The following NCOA1 variants were observed in gnomAD, a reference collection of about 807,000 sequenced individuals.
NCOA1 encodes nuclear receptor coactivator 1.
Under a neutral mutation model 150.9 loss-of-function variants are expected in NCOA1, and 35 were observed. That is an observed-to-expected ratio of 0.23 (90% CI 0.18 to 0.31). The LOEUF (loss-of-function observed/expected upper bound fraction) is 0.31, where lower values mean the gene tolerates loss of function less well. NCOA1 is among the 10% of genes least tolerant of loss of function. The probability of loss-of-function intolerance (pLI) is 1.00; values close to 1 mark genes in which losing one functional copy is unlikely to be tolerated. For synonymous variants in NCOA1, 590 were observed against 630.0 expected, an observed-to-expected ratio of 0.94 and a Z score of 0.95; for missense variants, 1,491 against 1,749.3, an observed-to-expected ratio of 0.85 and a Z score of 2.63.
intron 14 of NCOA1, among the ~76,000 whole-genome samples, chr2:24,717,353 A>G (rs1052144202): frequency 6.6e-6 from 1 of 152,224 alleles, no homozygotes. Flanking sequence ...GAAGCGATCA[A>G]GCCATGAAAA....
At chr2:24,590,481 CT>C (rs1220664388) in intron 3 of NCOA1, among the ~76,000 whole-genome samples, 13 of 152,048 alleles carry the variant, frequency 8.5e-5, no homozygotes, top group African/African-American at 3.1e-4. Flanking sequence ...TAGTGTGTCT[CT>C]ATTTTTTCAA....
At chr2:24,765,710 C>G (rs1432389457) in intron 22 of NCOA1, among the ~76,000 whole-genome samples, 1 of 152,260 alleles carries the variant, frequency 6.6e-6, no homozygotes, top group South Asian at 2.1e-4. Context: ...ACTCAGCTCT[C>G]ACACCAGTCT....
At chr2:24,735,538 A>G (rs1663253981) in intron 17 of NCOA1, among the ~76,000 whole-genome samples, 1 of 152,066 alleles carries the variant, frequency 6.6e-6, no homozygotes, top group Non-Finnish European at 1.5e-5. Flanking sequence ...ATATATATAT[A>G]TAAATAGATA....
intron 17 of NCOA1, among the ~76,000 whole-genome samples, chr2:24,731,516 G>A (rs1227471127): frequency 6.6e-6 from 1 of 152,068 alleles, no homozygotes; most frequent in Non-Finnish European, 1.5e-5. Context: ...TATAAAATGT[G>A]CTTCCATTCT....
At chr2:24,576,583 G>A (rs371252354) in intron 2 of NCOA1, among the ~76,000 whole-genome samples, 1 of 152,118 alleles carries the variant, frequency 6.6e-6, no homozygotes, top group East Asian at 1.9e-4. Context: ...CAGTTTTCTG[G>A]TAGTATAAAC....
chr2:24,594,310 G>A (rs1667797141), intron 3 of NCOA1, among the ~76,000 whole-genome samples: 2 of 151,966 alleles, frequency 1.3e-5, no homozygotes, highest in South Asian at 2.1e-4. Context: ...ATTAGGTATC[G>A]TTCAACTGAA....
intron 3 of NCOA1, among the ~76,000 whole-genome samples, chr2:24,618,748 T>TC (rs1291547110): frequency 6.6e-6 from 1 of 152,176 alleles, no homozygotes; most frequent in East Asian, 1.9e-4. Flanking sequence ...TTCATTGGTT[T>TC]TTTTTTTGAG....
intron 2 of NCOA1, among the ~76,000 whole-genome samples, chr2:24,578,873 T>G (rs1327249058): frequency 6.6e-6 from 1 of 152,186 alleles, no homozygotes; most frequent in Non-Finnish European, 1.5e-5. Flanking sequence ...ACAACCTAAT[T>G]GGCCAACAGT....
intron 3 of NCOA1, among the ~76,000 whole-genome samples, chr2:24,593,813 G>T (rs1208812344): frequency 6.6e-6 from 1 of 152,022 alleles, no homozygotes; most frequent in East Asian, 1.9e-4. Context: ...GCCCTATAAG[G>T]CCTCACCCAA....
At chr2:24,515,222 T>C (rs2148118300) in intron 1 of NCOA1, among the ~76,000 whole-genome samples, 1 of 152,262 alleles carries the variant, frequency 6.6e-6, no homozygotes, top group Admixed American at 6.5e-5. Flanking sequence ...TGGCACCCTT[T>C]TATTTATTTT....
At chr2:24,750,613 C>T (rs984506620) in intron 19 of NCOA1, among the ~76,000 whole-genome samples, 3 of 152,122 alleles carry the variant, frequency 2.0e-5, no homozygotes, top group South Asian at 2.1e-4. Context: ...CATGAAATTT[C>T]CCCCCAAAAA....
chr2:24,634,702 GGA>G (rs1435932082), intron 3 of NCOA1, among the ~76,000 whole-genome samples: 25 of 136,370 alleles, frequency 1.8e-4, no homozygotes, highest in African/African-American at 6.6e-4. Flanking sequence ...GATTCCTAGG[GGA>G]GGAACCCCCC....
intron 3 of NCOA1, among the ~76,000 whole-genome samples, chr2:24,620,525 C>G (rs1324692791): frequency 6.6e-6 from 1 of 152,054 alleles, no homozygotes; most frequent in Non-Finnish European, 1.5e-5. Flanking sequence ...GAATTTCTTG[C>G]TTGAACCTGG....
chr2:24,549,540 G>T (rs997839245), intron 1 of NCOA1, among the ~76,000 whole-genome samples: 1 of 151,972 alleles, frequency 6.6e-6, no homozygotes, highest in Non-Finnish European at 1.5e-5. Flanking sequence ...ACATTGTCAG[G>T]CTGCAATTTT....
rs890058191 is a variant in NCOA1 at position 24,751,455 on chromosome 2, C to T, written c.3707-527C>T. ...AAAATTAGCCAGGCCCAGTGGCAGG[C>T]GCCTGTAATCCCAGCTACCTGAGAG... On this transcript the variant is annotated intron_variant, in intron 19 of 22. Transcript: ENST00000348332. 2.4e-4 allele frequency among the ~76,000 whole-genome samples: 36 copies of T among 151,642 alleles called. No individual in the cohort carries two copies. The South Asian group carries it at 6.3e-3, about 26-fold the overall frequency.
intron 8 of NCOA1, among the ~76,000 whole-genome samples, chr2:24,686,902 C>A (rs1672429189): frequency 6.6e-6 from 1 of 151,778 alleles, no homozygotes; most frequent in Non-Finnish European, 1.5e-5. Context: ...ACCAGAATGA[C>A]TTTAGTTTCT....
intron 21 of NCOA1, among the ~76,000 whole-genome samples, chr2:24,760,306 ATTTTTTTTTTTTTTT>A (rs70947842): frequency 1.0e-5 from 1 of 99,740 alleles, no homozygotes; most frequent in African/African-American, 3.8e-5. Context: ...TGCCCGGCTA[ATTTTTTTTTTTTTTT>A]TTTTTTTTTG....
intron 3 of NCOA1, among the ~76,000 whole-genome samples, chr2:24,611,137 A>G (rs1668604140): frequency 6.6e-6 from 1 of 152,056 alleles, no homozygotes; most frequent in Admixed American, 6.5e-5. Flanking sequence ...CCCAGTGTCT[A>G]TTGTTGCCAT....
At chr2:24,710,117 G>A (rs1452738948) in intron 13 of NCOA1, among the ~76,000 whole-genome samples, 4 of 150,958 alleles carry the variant, frequency 2.6e-5, no homozygotes, top group Non-Finnish European at 5.9e-5. Context: ...TTTTGAGATG[G>A]GAGTCTCGCT....
Sources: gnomAD v4.1 joint callset for allele counts (sites outside exome capture counted in the v4.1 genomes callset) on GRCh38, gnomAD v4.1.1 for gene constraint, MANE v1.5 for transcripts, NCBI Gene and HGNC (gene_info 2026-07-23, HGNC 2026-07-21) for gene names.